Variants in SFXN5 observed in about 807,000 individuals in gnomAD.
The protein encoded by SFXN5 is sideroflexin-5.
SFXN5 carries 43 observed loss-of-function variants against 50.2 expected under a neutral mutation model. That is an observed-to-expected ratio of 0.86 (90% CI 0.67 to 1.11). The LOEUF (loss-of-function observed/expected upper bound fraction) is 1.11, where lower values mean the gene tolerates loss of function less well. Ranked by LOEUF, SFXN5 falls within the 50% of genes least tolerant of loss-of-function variation. The probability of loss-of-function intolerance (pLI) is 0.00; values close to 1 mark genes in which losing one functional copy is unlikely to be tolerated. For missense variants in SFXN5, 463 were observed against 454.1 expected, an observed-to-expected ratio of 1.02 and a Z score of -0.18; for synonymous variants, 203 against 185.8, an observed-to-expected ratio of 1.09 and a Z score of -0.75.
intron 7 of SFXN5, among the ~76,000 whole-genome samples, chr2:73,000,939 G>A (rs17008565): frequency 0.15 from 22,323 of 152,172 alleles, 1,900 homozygotes; most frequent in East Asian, 0.33. Context: ...CACAGAGGCC[G>A]GCAGGAGTTT....
At chr2:72,968,975 G>T (rs1350899137) in intron 11 of SFXN5, among the ~76,000 whole-genome samples, 1 of 151,888 alleles carries the variant, frequency 6.6e-6, no homozygotes, top group Non-Finnish European at 1.5e-5. Flanking sequence ...GCTAATTTTT[G>T]TATTTTTAGT....
chr2:72,957,942 G>A (rs1231986141), intron 13 of SFXN5, among the ~76,000 whole-genome samples: 1 of 152,222 alleles, frequency 6.6e-6, no homozygotes, highest in African/African-American at 2.4e-5. Flanking sequence ...TCTAGAGAAA[G>A]AGGCTTGGAT....
chr2:73,040,029 T>C (rs1679423141), intron 3 of SFXN5, among the ~76,000 whole-genome samples: 1 of 152,094 alleles, frequency 6.6e-6, no homozygotes, highest in Non-Finnish European at 1.5e-5. Flanking sequence ...CAGGCTGGTC[T>C]TGAACTCCTG....
intron 6 of SFXN5, among the ~76,000 whole-genome samples, chr2:73,003,506 C>T (rs1674203306): frequency 1.3e-5 from 2 of 152,182 alleles, no homozygotes; most frequent in Non-Finnish European, 2.9e-5. Context: ...AGGAACTGTG[C>T]CTCTGAATAA....
At position 72,967,025 on chromosome 2, in the gene SFXN5, T is replaced by G. The variant is rs1674496144; in HGVS notation, c.827+1423A>C. 3.9e-5 allele frequency among the ~76,000 whole-genome samples: 6 copies of G among 152,348 alleles called. No homozygotes were observed. The South Asian group carries it at 1.2e-3, about 32-fold the overall frequency. Reference sequence around the variant, plus strand: ...ATATGCAAGAGGCAGCCAGTGTAGCTTGAAGAGACTAAGCTTTGCAGCCGC... The same window carrying G: ...ATATGCAAGAGGCAGCCAGTGTAGCGTGAAGAGACTAAGCTTTGCAGCCGC... On this transcript the variant is annotated intron_variant, in intron 12 of 13. Coordinates refer to ENST00000272433, the MANE Select transcript of SFXN5 (RefSeq NM_144579.3).
chr2:73,062,576 T>C (rs965794739), intron 1 of SFXN5, among the ~76,000 whole-genome samples: 1 of 152,116 alleles, frequency 6.6e-6, no homozygotes, highest in Non-Finnish European at 1.5e-5. Flanking sequence ...CCATAGCTAC[T>C]GGGGGAGACT....
At chr2:72,976,741 A>G (rs1014381449) in intron 10 of SFXN5, among the ~76,000 whole-genome samples, 1 of 152,188 alleles carries the variant, frequency 6.6e-6, no homozygotes, top group African/African-American at 2.4e-5. Flanking sequence ...ATTCCTTCCA[A>G]TGGACACTAA....
chr2:73,052,111 T>C (rs534404031), intron 2 of SFXN5, among the ~76,000 whole-genome samples: 1 of 152,316 alleles, frequency 6.6e-6, no homozygotes, highest in African/African-American at 2.4e-5. Context: ...TCAAGCCAGT[T>C]CCTTTGTCTC....
At chr2:73,021,810 G>A (rs1676937117) in intron 5 of SFXN5, among the ~76,000 whole-genome samples, 2 of 152,206 alleles carry the variant, frequency 1.3e-5, no homozygotes, top group South Asian at 2.1e-4. Context: ...GCACACCCAT[G>A]AGTGTGACTC....
chr2:72,966,694 C>T (rs1343061589), intron 12 of SFXN5, among the ~76,000 whole-genome samples: 1 of 152,176 alleles, frequency 6.6e-6, no homozygotes, highest in Non-Finnish European at 1.5e-5. Context: ...GTCTATACCA[C>T]AGGCCTGCAC....
At chr2:73,013,435 G>GTC (rs1675787678) in intron 6 of SFXN5, among the ~76,000 whole-genome samples, 1 of 151,754 alleles carries the variant, frequency 6.6e-6, no homozygotes, top group African/African-American at 2.4e-5. Flanking sequence ...GTGTGTGTGT[G>GTC]TGTGTGTGTT....
At chr2:73,027,968 T>TTTTAATC in intron 3 of SFXN5, among the ~76,000 whole-genome samples, 1 of 152,294 alleles carries the variant, frequency 6.6e-6, no homozygotes, top group East Asian at 1.9e-4. Flanking sequence ...GGCCCCATCT[T>TTTTAATC]TTTAATCTTT....
intron 10 of SFXN5, among the ~76,000 whole-genome samples, chr2:72,982,500 C>A (rs1030372184): frequency 6.6e-6 from 1 of 152,224 alleles, no homozygotes; most frequent in African/African-American, 2.4e-5. Flanking sequence ...ATTGAATAAA[C>A]CCACATTGAG....
Position 72,968,535 on chromosome 2 carries a change from T to C in SFXN5, c.742-2A>G. ...CGTCAGCGCCGTCTCCAGCAGGGCC[T>C]GAGGGGCAGGCAGAAGCTGTGTGAG... On this transcript the variant is annotated splice_acceptor_variant, in intron 11 of 13. Transcript: ENST00000272433. LOFTEE classifies it high-confidence loss of function. 6.2e-7 allele frequency: 1 copy of C among 1,613,154 alleles called. No homozygotes were observed. Among genetic ancestry groups the C allele is most frequent in the Non-Finnish European group, 8.5e-7 (1 of 1,179,892 alleles).
Position 73,059,483 on chromosome 2 carries a change from T to C in SFXN5, c.103-887A>G, listed in dbSNP as rs1000673836. 22 of 985,266 alleles carry C rather than the reference T, an allele frequency of 2.2e-5. No homozygotes were observed. In the African/African-American group the frequency reaches 3.5e-4, roughly 16 times the overall value. The allele number at this position is 985,266 out of a possible 1,614,324, so 61.0% of individuals were successfully genotyped here. A position where few individuals can be genotyped will look rare whatever the true frequency, so the allele number is the denominator to read the frequency against. Reference sequence around the variant, plus strand: ...ACAGAAGCCTCCACATTCCCTCCCCTTATTTAGTAGGACACCAGACCCTGC... The same window carrying C: ...ACAGAAGCCTCCACATTCCCTCCCCCTATTTAGTAGGACACCAGACCCTGC... On this transcript the variant is annotated intron_variant, in intron 1 of 13. Transcript: ENST00000272433.
chr2:72,974,779 C>T (rs527504480), intron 10 of SFXN5, among the ~76,000 whole-genome samples: 157 of 152,140 alleles, frequency 1.0e-3, no homozygotes, highest in African/African-American at 3.4e-3. Flanking sequence ...CCTGATCCTT[C>T]CCATCCCACT....
intron 13 of SFXN5, among the ~76,000 whole-genome samples, chr2:72,955,488 G>T (rs1032246145): frequency 1.3e-5 from 2 of 152,228 alleles, no homozygotes; most frequent in Admixed American, 6.5e-5. Flanking sequence ...GGGAGAGCCC[G>T]AGAGGAATCA....
Position 72,999,027 on chromosome 2 carries a change from G to C in SFXN5, c.469-13C>G, listed in dbSNP as rs761415434. Reference sequence around the variant, plus strand: ...ATGCAGGTGAAGGCTGGAAAACAGAGGCAGAATTTCAGGCCTGCTGGGTGC... The same window carrying C: ...ATGCAGGTGAAGGCTGGAAAACAGACGCAGAATTTCAGGCCTGCTGGGTGC... On this transcript the variant is annotated splice_polypyrimidine_tract_variant and intron_variant, in intron 8 of 13. Coordinates refer to ENST00000272433, the MANE Select transcript of SFXN5 (RefSeq NM_144579.3). The C allele has an allele frequency of 2.5e-6, 4 of 1,613,898 alleles. No homozygotes were observed. The African/African-American group carries it at 4.0e-5, about 16-fold the overall frequency.
intron 2 of SFXN5, among the ~76,000 whole-genome samples, chr2:73,047,288 A>ATC (rs1264752479): frequency 9.7e-6 from 1 of 102,760 alleles, no homozygotes; most frequent in Non-Finnish European, 1.8e-5. Context: ...ACACATATAT[A>ATC]TATATATATA....
Sources: gnomAD v4.1 joint callset for allele counts (sites outside exome capture counted in the v4.1 genomes callset) on GRCh38, gnomAD v4.1.1 for gene constraint, MANE v1.5 for transcripts, NCBI Gene and HGNC (gene_info 2026-07-23, HGNC 2026-07-21) for gene names.